ECD: variants seen among roughly 807,000 people sequenced by gnomAD.
ECD encodes the protein protein ecdysoneless homolog.
ECD carries 59 observed loss-of-function variants against 77.2 expected under a neutral mutation model. The observed-to-expected ratio is 0.76, with a 90% CI of 0.62 to 0.95. ECD has a LOEUF of 0.95. Among genes scored for constraint, ECD ranks in the 40% least tolerant of loss-of-function variants. The pLI is 0.00. For synonymous variants in ECD, 233 were observed against 267.4 expected (o/e 0.87, Z 1.26); for missense variants, 704 against 763.4 (o/e 0.92, Z 0.92).
intron 9 of ECD, among the ~76,000 whole-genome samples, chr10:73,143,412 C>T (rs969118753): frequency 4.6e-5 from 7 of 152,170 alleles, no homozygotes; most frequent in Admixed American, 3.3e-4. Flanking sequence ...GTGATCCACC[C>T]GCCTTGGCCT....
chr10:73,152,265 G>T, intron 7 of ECD, 28 bp downstream of exon 7: 1 of 1,605,720 alleles, frequency 6.2e-7, no homozygotes, highest in South Asian at 1.1e-5. Flanking sequence ...ATAAAGAAAG[G>T]AAACAACATT....
intron 9 of ECD, among the ~76,000 whole-genome samples, chr10:73,145,121 T>C (rs1028803503): frequency 6.6e-6 from 1 of 152,158 alleles, no homozygotes; most frequent in Non-Finnish European, 1.5e-5. Context: ...CTCAGCACTT[T>C]GGGAGGCCAA....
Position 73,134,552 on chromosome 10 carries a change from A to G in ECD, c.*31T>C. On this transcript the variant is annotated 3_prime_UTR_variant, in exon 14 of 14. Transcript: ENST00000372979. ...ACAGAATCATATTCAATATTTATTT[A>G]AAAAGAAAAAAGAGAAGCTAAATGT... 6.4e-7 allele frequency: 1 copy of G among 1,554,162 alleles called. No individual in the cohort carries two copies. Among genetic ancestry groups the G allele is most frequent in the Non-Finnish European group, 8.8e-7 (1 of 1,133,478 alleles).
intron 6 of ECD, 124 bp downstream of exon 6, chr10:73,154,132 T>C (rs1450365318): frequency 3.0e-6 from 3 of 1,004,428 alleles, no homozygotes; most frequent in South Asian, 2.0e-5. Flanking sequence ...TCCTTTTTTT[T>C]CTAGAGAACA....
intron 5 of ECD, among the ~76,000 whole-genome samples, chr10:73,155,594 C>CTTTTTTTT (rs537974204): frequency 8.0e-6 from 1 of 124,816 alleles, no homozygotes. Context: ...TAGGTTTCTA[C>CTTTTTTTT]TTTTTTTTTT....
chr10:73,136,737 G>C lies in ECD; in HGVS notation c.1671C>G (p.Cys557Trp). The change falls in exon 13 of 14, where the codon TGC (cysteine) becomes TGG (tryptophan). Residue 557 changes from cysteine (C) to tryptophan (W), a missense_variant. By Grantham distance (215) the Cys-to-Trp change is radical. Transcript: ENST00000372979. ...AQMDQELAHTCISKSFTTRNQ... is the reference protein window; with the variant it reads ...AQMDQELAHTWISKSFTTRNQ... ...TCCTAGTGGTGAAACTTTTGCTGAT[G>C]CAGGTGTGTGCTAGTTCCTGGTCCA... 3 of 1,613,992 alleles carry C rather than the reference G, an allele frequency of 1.9e-6. No homozygotes were observed. In the South Asian group the frequency reaches 3.3e-5, roughly 18 times the overall value.
Position 73,141,339 on chromosome 10 carries a change from T to TAAAA in ECD, c.1128-1606_1128-1603dup, listed in dbSNP as rs749192454. ...TAACACAGTGAAACCCCGTCTCTAC[T>TAAAA]AAAAAAAAAAAAAAAAAAAAAAATT... On this transcript the variant is annotated intron_variant, in intron 9 of 13. Transcript: ENST00000372979. The TAAAA allele has an allele frequency of 3.1e-3, 293 of 95,096 alleles. 5 individuals are homozygous for TAAAA. Among genetic ancestry groups the TAAAA allele is most frequent in the East Asian group, 0.011 (37 of 3,292 alleles). 5.9% of individuals were successfully genotyped at this position (95,096 alleles called of 1,614,324 possible).
At chr10:73,155,297 A>T (rs1843281190) in intron 5 of ECD, among the ~76,000 whole-genome samples, 1 of 151,872 alleles carries the variant, frequency 6.6e-6, no homozygotes, top group Non-Finnish European at 1.5e-5. Context: ...CGATCTCTTG[A>T]CCTTGTGATC....
intron 2 of ECD, among the ~76,000 whole-genome samples, 174 bp downstream of exon 2, chr10:73,163,559 T>G (rs1361518111): frequency 6.6e-6 from 1 of 152,220 alleles, no homozygotes; most frequent in Non-Finnish European, 1.5e-5. Flanking sequence ...AATATGATTT[T>G]TTTTAAAAAA....
At position 73,156,644 on chromosome 10, in the gene ECD, T is replaced by C. The variant is rs1226238109; in HGVS notation, c.335A>G (p.Asn112Ser). ...FPELVARIED[N>S]DGEFLLIEAA... ...TTCTATTAACAAGAATTCACCATCATTGTCTTCAATCCTAATGCAAGAAAA... is the reference window on the plus strand; with the variant it reads ...TTCTATTAACAAGAATTCACCATCACTGTCTTCAATCCTAATGCAAGAAAA... Residue 112 changes from asparagine to serine, a missense_variant, in exon 4 of 14, where the codon AAT becomes AGT. Transcript: ENST00000372979. The C allele has an allele frequency of 1.2e-6, 2 of 1,613,324 alleles. No individual in the cohort carries two copies. The highest frequency in any genetic ancestry group is 2.7e-5 in the African/African-American group (2 of 74,932).
chr10:73,147,528 C>T (rs1589116163), intron 8 of ECD, among the ~76,000 whole-genome samples: 2 of 150,500 alleles, frequency 1.3e-5, no homozygotes, highest in South Asian at 4.2e-4. Flanking sequence ...CCAGCCTAGG[C>T]GACAAGAGCA....
At chr10:73,136,617 C>CA in intron 13 of ECD, 87 bp downstream of exon 13, 4 of 1,272,760 alleles carry the variant, frequency 3.1e-6, no homozygotes, top group Non-Finnish European at 4.4e-6. Flanking sequence ...TCTCACACAC[C>CA]AAAAAAAGAA....
intron 2 of ECD, among the ~76,000 whole-genome samples, chr10:73,160,856 G>C (rs143436043): frequency 6.6e-6 from 1 of 152,166 alleles, no homozygotes; most frequent in South Asian, 2.1e-4. Context: ...GAGCTTTCCA[G>C]AAAAATGGAA....
intron 2 of ECD, 106 bp downstream of exon 2, chr10:73,163,627 T>C (rs1843409230): frequency 3.6e-6 from 4 of 1,113,838 alleles, no homozygotes; most frequent in East Asian, 2.5e-5. Flanking sequence ...GTTTAGTGTA[T>C]TAATCTCTTC....
chr10:73,148,521 G>A (rs1843157619), intron 7 of ECD, 117 bp from the exon 8 acceptor site: 4 of 1,083,180 alleles, frequency 3.7e-6, no homozygotes, highest in Admixed American at 6.1e-5. Flanking sequence ...GGATACATGG[G>A]CATTTGGACA....
intron 5 of ECD, 62 bp from the exon 6 acceptor site, chr10:73,154,510 C>G: frequency 7.1e-7 from 1 of 1,411,930 alleles, no homozygotes. Flanking sequence ...ATTCTTATAC[C>G]ATTCACATTC....
chr10:73,162,031 T>C lies in ECD; in HGVS notation c.206-1480A>G, dbSNP rs79267905. Among the ~76,000 whole-genome samples, 657 of 152,334 alleles carry C rather than the reference T, an allele frequency of 4.3e-3. 3 individuals are homozygous for C. Among genetic ancestry groups the C allele is most frequent in the Non-Finnish European group, 8.0e-3 (541 of 68,024 alleles). On this transcript the variant is annotated intron_variant, in intron 2 of 13. Transcript: ENST00000372979. ...CTCCCCACCCCAGATCTCAAGTTTC[T>C]TCAACTAGAGAACTCCAATTAAAGT...
intron 12 of ECD, 76 bp from the exon 13 acceptor site, chr10:73,136,994 C>T (rs1427980173): frequency 1.5e-6 from 1 of 670,142 alleles, no homozygotes; most frequent in East Asian, 4.4e-5. Context: ...TATTTAGTTA[C>T]TACACATCTC....
intron 3 of ECD, among the ~76,000 whole-genome samples, chr10:73,158,846 TGGGCA>T (rs1843337164): frequency 6.6e-6 from 1 of 152,164 alleles, no homozygotes; most frequent in Non-Finnish European, 1.5e-5. Context: ...AAGTCCCGCC[TGGGCA>T]AAATAGTAAG....
Sources: gnomAD v4.1 joint callset for allele counts (sites outside exome capture counted in the v4.1 genomes callset) on GRCh38, gnomAD v4.1.1 for gene constraint, MANE v1.5 for transcripts, NCBI Gene and HGNC (gene_info 2026-07-23, HGNC 2026-07-21) for gene names.